HS6ST2: variants seen among roughly 807,000 people sequenced by gnomAD.
HS6ST2 encodes the protein heparan sulfate 6-O-sulfotransferase 2, also known as heparan-sulfate 6-O-sulfotransferase 2.
A neutral mutation model predicts 33.0 loss-of-function variants in HS6ST2; 17 were observed. That is an observed-to-expected ratio of 0.52 (90% confidence interval 0.35 to 0.77). The LOEUF is 0.77. Among genes scored for constraint, HS6ST2 ranks in the 30% least tolerant of loss-of-function variants. The pLI is 0.01. For missense variants in HS6ST2, 519 were observed against 551.7 expected, an observed-to-expected ratio of 0.94 and a Z score of 0.59; for synonymous variants, 248 against 237.1, an observed-to-expected ratio of 1.05 and a Z score of -0.42.
rs781038672 is a variant in HS6ST2, at chrX:132,761,700, C to T, written c.948-53206G>A. 6.2e-5 allele frequency among the ~76,000 whole-genome samples: 7 copies of T among 112,172 alleles called. No homozygotes were observed. The East Asian group carries it at 2.0e-3, about 31-fold the overall frequency. ...AACCGTTAGGTCCCAAATGGCAATA[C>T]CGAAGCACAATGGCTACAGTCACAG... is the stretch of plus-strand genomic sequence containing the variant. On this transcript the variant is annotated intron_variant, in intron 2 of 4. Transcript: ENST00000370833.
chrX:132,799,054 G>T (rs1450829613), intron 2 of HS6ST2, among the ~76,000 whole-genome samples: 3 of 111,574 alleles, frequency 2.7e-5, no homozygotes, highest in African/African-American at 9.8e-5. Context: ...TACCTATGTT[G>T]CCCAGGCTGG....
At chrX:132,818,307 G>C (rs1394476703) in intron 2 of HS6ST2, among the ~76,000 whole-genome samples, 2 of 111,055 alleles carry the variant, frequency 1.8e-5, no homozygotes, top group African/African-American at 3.3e-5. Context: ...GTTTGGTTGA[G>C]TGACTTCAGG....
chrX:132,917,370 G>A (rs751084521), intron 2 of HS6ST2, among the ~76,000 whole-genome samples: 7 of 111,334 alleles, frequency 6.3e-5, no homozygotes, highest in Non-Finnish European at 9.4e-5. Context: ...AGGCTGAGGC[G>A]GGCGGATCAC....
intron 3 of HS6ST2, among the ~76,000 whole-genome samples, chrX:132,699,173 A>G (rs2064124297): frequency 9.0e-6 from 1 of 111,603 alleles, no homozygotes; most frequent in Non-Finnish European, 1.9e-5. Context: ...GAGAAGGGGA[A>G]ATCAGAGATC....
chrX:132,934,376 C>T (rs1205566872), intron 2 of HS6ST2, among the ~76,000 whole-genome samples: 1 of 111,734 alleles, frequency 8.9e-6, no homozygotes, highest in African/African-American at 3.2e-5. Context: ...CTTCTCTTAC[C>T]TTCTTTAGAA....
chrX:132,936,368 A>G (rs1228634468), intron 2 of HS6ST2, among the ~76,000 whole-genome samples: 1 of 111,350 alleles, frequency 9.0e-6, no homozygotes, highest in Non-Finnish European at 1.9e-5. Flanking sequence ...GCCCAGGCCC[A>G]TATGTTTCTC....
intron 2 of HS6ST2, among the ~76,000 whole-genome samples, chrX:132,807,418 T>G (rs1049982096): frequency 3.8e-5 from 4 of 104,983 alleles, no homozygotes; most frequent in Non-Finnish European, 8.3e-5. Flanking sequence ...CTAAGATAAA[T>G]CACTAAAGAG....
chrX:132,739,821 T>C (rs1029049159), intron 2 of HS6ST2, among the ~76,000 whole-genome samples: 7 of 111,991 alleles, frequency 6.3e-5, no homozygotes, highest in African/African-American at 2.3e-4. Context: ...TCCTAAAACC[T>C]TAAATCCTTA....
intron 2 of HS6ST2, among the ~76,000 whole-genome samples, chrX:132,849,325 T>C: frequency 9.0e-6 from 1 of 111,173 alleles, no homozygotes; most frequent in Non-Finnish European, 1.9e-5. Context: ...ACTGCTGGCT[T>C]TTAAAGAGCC....
At chrX:132,957,762 A>C (rs2067100174) in intron 1 of HS6ST2, among the ~76,000 whole-genome samples, 3 of 103,418 alleles carry the variant, frequency 2.9e-5, no homozygotes, top group South Asian at 4.4e-4. Flanking sequence ...CGTCCGCCGG[A>C]CTCTCCGGGC....
At chrX:132,848,284 G>T (rs762690101) in intron 2 of HS6ST2, among the ~76,000 whole-genome samples, 44 of 112,240 alleles carry the variant, frequency 3.9e-4, no homozygotes, top group Non-Finnish European at 7.3e-4. Flanking sequence ...CATCCAACCT[G>T]CCTTCCTCAG....
chrX:132,735,022 G>A (rs779317553), intron 2 of HS6ST2: 1 of 111,517 alleles, frequency 9.0e-6, no homozygotes, highest in South Asian at 3.9e-4. Context: ...TGTGTGAGAA[G>A]AGGCCTAGAG....
At chrX:132,925,746 A>T (rs1047655216) in intron 2 of HS6ST2, among the ~76,000 whole-genome samples, 6 of 112,103 alleles carry the variant, frequency 5.4e-5, no homozygotes, top group African/African-American at 1.9e-4. Context: ...ATTAGCAAGA[A>T]TCTTACAATT....
At chrX:132,754,972 A>G (rs1294530112) in intron 2 of HS6ST2, among the ~76,000 whole-genome samples, 2 of 111,219 alleles carry the variant, frequency 1.8e-5, no homozygotes, top group South Asian at 3.8e-4. Context: ...TCAACCTCCT[A>G]AAGTGCTGGG....
chrX:132,679,865 G>A (rs1377196357), intron 3 of HS6ST2, among the ~76,000 whole-genome samples: 3 of 109,649 alleles, frequency 2.7e-5, no homozygotes, highest in Non-Finnish European at 5.7e-5. Context: ...TTTGAAAGAC[G>A]AGAAATATGG....
chrX:132,893,836 G>A (rs993049332), intron 2 of HS6ST2, among the ~76,000 whole-genome samples: 7 of 111,403 alleles, frequency 6.3e-5, no homozygotes, highest in Non-Finnish European at 7.5e-5. Flanking sequence ...ACACAATCCT[G>A]AGCCTAATTT....
chrX:132,661,795 C>T (rs2063775578), intron 4 of HS6ST2, among the ~76,000 whole-genome samples: 1 of 111,415 alleles, frequency 9.0e-6, no homozygotes, highest in Admixed American at 9.6e-5. Flanking sequence ...TGTAATCCCA[C>T]CACTTTAGGA....
At chrX:132,867,978 A>T in intron 2 of HS6ST2, among the ~76,000 whole-genome samples, 1 of 112,261 alleles carries the variant, frequency 8.9e-6, no homozygotes, top group Non-Finnish European at 1.9e-5. Context: ...TAATTAAAAG[A>T]CAAAGACTGG....
chrX:132,783,868 A>G (rs189001596), intron 2 of HS6ST2, among the ~76,000 whole-genome samples: 1 of 111,677 alleles, frequency 9.0e-6, no homozygotes, highest in Admixed American at 9.5e-5. Flanking sequence ...AGACTTTTGC[A>G]CACTGGGAGA....
Sources: gnomAD v4.1 joint callset for allele counts (sites outside exome capture counted in the v4.1 genomes callset) on GRCh38, gnomAD v4.1.1 for gene constraint, MANE v1.5 for transcripts, NCBI Gene and HGNC (gene_info 2026-07-23, HGNC 2026-07-21) for gene names.